Variants in CLCN3 observed in about 807,000 individuals in gnomAD.
CLCN3 encodes the protein Cl-/H+ antiporter 3.
A neutral mutation model predicts 83.4 loss-of-function variants in CLCN3; 16 were observed. The ratio of observed to expected loss-of-function variants is 0.19; its 90% CI spans 0.13 to 0.29. CLCN3 has a LOEUF of 0.29. CLCN3 is among the 10% of genes least tolerant of loss of function. The probability of loss-of-function intolerance (pLI) is 1.00; values close to 1 mark genes in which losing one functional copy is unlikely to be tolerated. For synonymous variants in CLCN3, 322 were observed against 346.2 expected (o/e 0.93, Z 0.78); for missense variants, 544 against 1,006.0 (o/e 0.54, Z 6.21).
intron 12 of CLCN3, among the ~76,000 whole-genome samples, chr4:169,716,918 G>C (rs545111840): frequency 1.3e-5 from 2 of 152,196 alleles, no homozygotes; most frequent in Admixed American, 1.3e-4. Flanking sequence ...AGGGTATTTT[G>C]GATGGGCTTC....
intron 9 of CLCN3, among the ~76,000 whole-genome samples, chr4:169,699,076 T>G (rs547014911): frequency 8.5e-5 from 13 of 152,360 alleles, no homozygotes; most frequent in African/African-American, 2.9e-4. Flanking sequence ...TTCTGCCACC[T>G]TGATTCCTCC....
chr4:169,699,300 T>C (rs1732687296), intron 9 of CLCN3, among the ~76,000 whole-genome samples: 1 of 152,248 alleles, frequency 6.6e-6, no homozygotes, highest in African/African-American at 2.4e-5. Flanking sequence ...CTTTTGGATT[T>C]ATAAAATAAC....
chr4:169,690,160 C>T lies in CLCN3; in HGVS notation c.607-370C>T, dbSNP rs552308445. Among the ~76,000 whole-genome samples, 6 of 110,268 alleles carry T rather than the reference C, an allele frequency of 5.4e-5. No individual in the cohort carries two copies. In the East Asian group the frequency reaches 7.5e-4, roughly 14 times the overall value. 72.3% of individuals were successfully genotyped at this position (110,268 alleles called of 152,430 possible). On this transcript the variant is annotated intron_variant, in intron 5 of 12. Transcript: ENST00000513761. ...TTCTTTTTTTTTTTTTTTTTTTGGC[C>T]GGTGGGATGGAGTCTCACTCTGTTG...
At chr4:169,690,216 GCTCC>G (rs895287850) in intron 5 of CLCN3, among the ~76,000 whole-genome samples, 28 of 148,246 alleles carry the variant, frequency 1.9e-4, no homozygotes, top group African/African-American at 7.0e-4. Context: ...CACGATCTCG[GCTCC>G]CTGCAACCTC....
chr4:169,674,448 A>G (rs1371122673), intron 2 of CLCN3, among the ~76,000 whole-genome samples: 1 of 152,154 alleles, frequency 6.6e-6, no homozygotes, highest in African/African-American at 2.4e-5. Flanking sequence ...TATTCCTGTT[A>G]TATTTATTCT....
chr4:169,669,238 A>G (rs12511877), intron 2 of CLCN3, among the ~76,000 whole-genome samples: 68,842 of 152,114 alleles, frequency 0.45, 17,798 homozygotes, highest in East Asian at 0.76. Flanking sequence ...AAGACTTAAA[A>G]TCGTAAAAAT....
chr4:169,713,062 CTT>C lies in CLCN3; in HGVS notation c.2150-16_2150-15del. On this transcript the variant is annotated splice_polypyrimidine_tract_variant and intron_variant, in intron 11 of 12. Coordinates refer to ENST00000513761, the MANE Select transcript of CLCN3 (RefSeq NM_001829.4). ...TCTATCAGTTTAAAAGTGTTGGTCTCTTCTCTCTCTTTTCAGAAAGTGCCAGG... is the reference window on the plus strand; with the variant it reads ...TCTATCAGTTTAAAAGTGTTGGTCTCCTCTCTCTTTTCAGAAAGTGCCAGG... 1 of 1,604,356 alleles carries C rather than the reference CTT, an allele frequency of 6.2e-7. No individual in the cohort carries two copies. Among genetic ancestry groups the C allele is most frequent in the Non-Finnish European group, 8.5e-7 (1 of 1,171,684 alleles).
intron 1 of CLCN3, among the ~76,000 whole-genome samples, chr4:169,629,061 A>G (rs1773302960): frequency 6.6e-6 from 1 of 152,244 alleles, no homozygotes; most frequent in Non-Finnish European, 1.5e-5. Flanking sequence ...TCATTTATAT[A>G]ACATTCTTGA....
chr4:169,716,651 G>A (rs978072509), intron 12 of CLCN3, among the ~76,000 whole-genome samples: 1 of 152,054 alleles, frequency 6.6e-6, no homozygotes, highest in Non-Finnish European at 1.5e-5. Context: ...TTTAAGGATC[G>A]ATACATTATT....
intron 1 of CLCN3, among the ~76,000 whole-genome samples, chr4:169,629,038 TC>T: frequency 6.6e-6 from 1 of 152,298 alleles, no homozygotes; most frequent in Non-Finnish European, 1.5e-5. Context: ...AAAGAGTTAA[TC>T]CCCATATCAT....
intron 2 of CLCN3, among the ~76,000 whole-genome samples, chr4:169,675,542 T>C (rs907987881): frequency 6.6e-6 from 1 of 152,198 alleles, no homozygotes; most frequent in Non-Finnish European, 1.5e-5. Flanking sequence ...GTGCCACTTC[T>C]TATATTCTAT....
At chr4:169,685,683 A>G (rs1454464870) in intron 3 of CLCN3, among the ~76,000 whole-genome samples, 1 of 152,106 alleles carries the variant, frequency 6.6e-6, no homozygotes, top group Non-Finnish European at 1.5e-5. Flanking sequence ...TACTTGGTAC[A>G]CTCCATCAAG....
At chr4:169,659,331 G>A (rs1730975867) in intron 2 of CLCN3, among the ~76,000 whole-genome samples, 1 of 151,990 alleles carries the variant, frequency 6.6e-6, no homozygotes, top group Non-Finnish European at 1.5e-5. Flanking sequence ...CTTTATTTCT[G>A]AACTTCATAA....
chr4:169,647,893 A>G (rs1385893729), intron 2 of CLCN3, among the ~76,000 whole-genome samples: 2 of 152,216 alleles, frequency 1.3e-5, no homozygotes, highest in Non-Finnish European at 2.9e-5. Flanking sequence ...GTGAACATTA[A>G]TATCACCAGA....
chr4:169,646,763 G>A (rs969613985), intron 2 of CLCN3, among the ~76,000 whole-genome samples: 6 of 152,134 alleles, frequency 3.9e-5, no homozygotes, highest in African/African-American at 4.8e-5. Context: ...AGGAAATAGG[G>A]ATAGAATAGA....
intron 2 of CLCN3, among the ~76,000 whole-genome samples, chr4:169,651,405 T>C (rs1369461698): frequency 1.3e-5 from 2 of 152,162 alleles, no homozygotes; most frequent in African/African-American, 4.8e-5. Context: ...AGTTATGTGC[T>C]AAACCTGTAA....
intron 2 of CLCN3, among the ~76,000 whole-genome samples, chr4:169,659,445 C>A (rs910955487): frequency 2.6e-5 from 4 of 152,082 alleles, no homozygotes; most frequent in Non-Finnish European, 4.4e-5. Context: ...AAACACAAAA[C>A]CCTTATGAGA....
At chr4:169,628,705 T>C (rs946212256) in intron 1 of CLCN3, among the ~76,000 whole-genome samples, 27 of 152,358 alleles carry the variant, frequency 1.8e-4, no homozygotes, top group African/African-American at 6.5e-4. Flanking sequence ...GGTAGAAATG[T>C]ACAATGGTAC....
intron 1 of CLCN3, among the ~76,000 whole-genome samples, chr4:169,621,448 T>C (rs1357201719): frequency 6.6e-6 from 1 of 152,252 alleles, no homozygotes; most frequent in Non-Finnish European, 1.5e-5. Flanking sequence ...ATTTGTGGTT[T>C]GATCTTAAAC....
Sources: gnomAD v4.1 joint callset for allele counts (sites outside exome capture counted in the v4.1 genomes callset) on GRCh38, gnomAD v4.1.1 for gene constraint, MANE v1.5 for transcripts, NCBI Gene and HGNC (gene_info 2026-07-23, HGNC 2026-07-21) for gene names.